Variants in AEBP2 observed in about 807,000 individuals in gnomAD.
AEBP2 encodes the protein zinc finger protein AEBP2.
In AEBP2, 10 loss-of-function variants were observed where a neutral mutation model predicts 50.8. That is an observed-to-expected ratio of 0.20 (90% CI 0.12 to 0.33). The LOEUF (loss-of-function observed/expected upper bound fraction) is 0.33, where lower values mean the gene tolerates loss of function less well. Ranked by LOEUF, AEBP2 falls within the 10% of genes least tolerant of loss-of-function variation. AEBP2 has a pLI of 1.00. For synonymous variants in AEBP2, 296 were observed against 261.3 expected (o/e 1.13, Z -1.28); for missense variants, 570 against 688.0 (o/e 0.83, Z 1.92).
At chr12:19,457,747 A>G (rs767370412) in intron 1 of AEBP2, 14 of 631,986 alleles carry the variant, frequency 2.2e-5, no homozygotes, top group Non-Finnish European at 3.0e-5. Context: ...TTCGGTTCCT[A>G]CTAGTCAAAA....
chr12:19,507,001 A>G (rs911743870), intron 5 of AEBP2, among the ~76,000 whole-genome samples: 15 of 152,144 alleles, frequency 9.9e-5, no homozygotes, highest in African/African-American at 3.6e-4. Context: ...AGAGGCCTAT[A>G]GGGCATTCAG....
At chr12:19,414,511 G>C (rs1207711985) in intron 1 of AEBP2, among the ~76,000 whole-genome samples, 3 of 152,238 alleles carry the variant, frequency 2.0e-5, no homozygotes, top group African/African-American at 4.8e-5. Context: ...GGTGAGAGAG[G>C]CACCCAGGAT....
intron 3 of AEBP2, among the ~76,000 whole-genome samples, chr12:19,476,603 A>C (rs528422332): frequency 6.6e-6 from 1 of 152,146 alleles, no homozygotes; most frequent in Admixed American, 6.5e-5. Flanking sequence ...TAGCCTCCCA[A>C]AATGCTGGGA....
In AEBP2 at chr12:19,518,447, T is replaced by C; in HGVS notation, c.*330T>C. ...TTGCTGCTTTAAGCTGCTTTTTTTT[T>C]TCTTTTCTTCCCTTTAGTGATTTCA... is the stretch of plus-strand genomic sequence containing the variant. On this transcript the variant is annotated 3_prime_UTR_variant, in exon 8 of 8. Coordinates refer to ENST00000266508, the MANE Select transcript of AEBP2 (RefSeq NM_153207.5). The C allele has an allele frequency of 8.1e-7, 1 of 1,238,136 alleles. No homozygotes were observed. The highest frequency in any genetic ancestry group is 3.9e-5 in the Admixed American group (1 of 25,406). The allele number at this position is 1,238,136 out of a possible 1,614,324, so 76.7% of individuals were successfully genotyped here.
At chr12:19,438,865 T>C (rs557105400), upstream of AEBP2, among the ~76,000 whole-genome samples, 1 of 152,242 alleles carries the variant, frequency 6.6e-6, no homozygotes, top group African/African-American at 2.4e-5. Context: ...TTAGAATCCA[T>C]TGGCTATACA....
chr12:19,517,972 TATA>T (rs1247694135), intron 7 of AEBP2, 112 bp from the exon 8 acceptor site: 30 of 954,364 alleles, frequency 3.1e-5, no homozygotes, highest in Non-Finnish European at 4.2e-5. Flanking sequence ...ACATTTTTAT[TATA>T]ATCTATGATC....
chr12:19,445,509 C>T lies in AEBP2; in HGVS notation c.671+5139C>T, dbSNP rs572763318. ...GATTATGGGCATGAGCCACCGTGCC[C>T]GGCCTCATGCCAGGTACTCTTCTAA... On this transcript the variant is annotated intron_variant, in intron 1 of 7. Coordinates refer to ENST00000266508, the MANE Select transcript of AEBP2 (RefSeq NM_153207.5). 7.2e-5 allele frequency among the ~76,000 whole-genome samples: 11 copies of T among 152,118 alleles called. 1 individual carries two copies. The highest frequency in any genetic ancestry group is 2.0e-4 in the Admixed American group (3 of 15,276).
chr12:19,436,725 G>C (rs993584547), upstream of AEBP2, among the ~76,000 whole-genome samples: 5 of 151,616 alleles, frequency 3.3e-5, no homozygotes, highest in Non-Finnish European at 7.4e-5. Context: ...CAAGTAGCTG[G>C]GACTACAGGT....
chr12:19,428,112 C>A (rs919394403), intron 1 of AEBP2, among the ~76,000 whole-genome samples: 5 of 152,048 alleles, frequency 3.3e-5, no homozygotes, highest in African/African-American at 1.2e-4. Flanking sequence ...TGGCATGTGC[C>A]TGTAGTCCCT....
At chr12:19,409,918 A>G (rs910918625) in intron 1 of AEBP2, among the ~76,000 whole-genome samples, 1 of 152,154 alleles carries the variant, frequency 6.6e-6, no homozygotes, top group Non-Finnish European at 1.5e-5. Context: ...TTAAAATGCA[A>G]ACTCTCTGAA....
At chr12:19,496,814 A>G (rs986713080) in intron 4 of AEBP2, among the ~76,000 whole-genome samples, 1 of 150,518 alleles carries the variant, frequency 6.6e-6, no homozygotes, top group African/African-American at 2.4e-5. Context: ...GGCACACACC[A>G]CCACACCCAA....
At chr12:19,501,829 T>A (rs552584715) in intron 5 of AEBP2, among the ~76,000 whole-genome samples, 91 of 149,278 alleles carry the variant, frequency 6.1e-4, no homozygotes, top group Non-Finnish European at 1.2e-3. Flanking sequence ...CATTTTCATG[T>A]TTTCTTCTGC....
chr12:19,407,314 CTTTT>C (rs138915951), intron 1 of AEBP2, among the ~76,000 whole-genome samples: 1 of 149,616 alleles, frequency 6.7e-6, no homozygotes, highest in Non-Finnish European at 1.5e-5. Context: ...TTTCTTTTTT[CTTTT>C]TTTTTTCTTT....
intron 1 of AEBP2, among the ~76,000 whole-genome samples, chr12:19,433,979 C>A (rs1237453719): frequency 6.6e-6 from 1 of 151,202 alleles, no homozygotes; most frequent in Non-Finnish European, 1.5e-5. Context: ...CCCTAGTAGC[C>A]GGGACTACAG....
chr12:19,468,107 C>T (rs939977931), intron 2 of AEBP2, among the ~76,000 whole-genome samples: 1 of 123,852 alleles, frequency 8.1e-6, no homozygotes, highest in African/African-American at 2.8e-5. Flanking sequence ...AATCATCCAT[C>T]CAACCCCTCT....
intron 3 of AEBP2, among the ~76,000 whole-genome samples, chr12:19,476,365 T>C (rs547627671): frequency 4.6e-5 from 7 of 152,174 alleles, no homozygotes; most frequent in Non-Finnish European, 8.8e-5. Context: ...TTTTTGAGAC[T>C]GAGTCTCGCT....
At chr12:19,506,827 A>T (rs189224844) in intron 5 of AEBP2, among the ~76,000 whole-genome samples, 1 of 152,154 alleles carries the variant, frequency 6.6e-6, no homozygotes, top group Non-Finnish European at 1.5e-5. Flanking sequence ...TGGAGTTACT[A>T]TGGACAAGAA....
chr12:19,441,299 T>C (rs1179033157), intron 1 of AEBP2, among the ~76,000 whole-genome samples: 1 of 152,218 alleles, frequency 6.6e-6, no homozygotes. Context: ...AGTGTGATAG[T>C]GTATGTTTCA....
At chr12:19,517,629 T>C (rs1949339646) in intron 7 of AEBP2, among the ~76,000 whole-genome samples, 1 of 152,218 alleles carries the variant, frequency 6.6e-6, no homozygotes. Context: ...ACTCCCACTG[T>C]GCATGCCGAG....
Sources: gnomAD v4.1 joint callset for allele counts (sites outside exome capture counted in the v4.1 genomes callset) on GRCh38, gnomAD v4.1.1 for gene constraint, MANE v1.5 for transcripts, NCBI Gene and HGNC (gene_info 2026-07-23, HGNC 2026-07-21) for gene names.